Variants in NTRK1 observed in about 807,000 individuals in gnomAD.
NTRK1 encodes the protein neurotrophic receptor tyrosine kinase 1.
NTRK1 carries 62 observed loss-of-function variants against 86.8 expected under a neutral mutation model. That is an observed-to-expected ratio of 0.71 (90% CI 0.58 to 0.88). The LOEUF (loss-of-function observed/expected upper bound fraction) is 0.88, where lower values mean the gene tolerates loss of function less well. NTRK1 is among the 40% of genes least tolerant of loss of function. NTRK1 has a pLI of 0.00. For missense variants in NTRK1, 967 were observed against 1,078.4 expected (o/e 0.90, Z 1.45); for synonymous variants, 469 against 456.6 (o/e 1.03, Z -0.35).
chr1:156,862,931 C>T (rs1465295519), intron 1 of NTRK1, among the ~76,000 whole-genome samples: 2 of 151,936 alleles, frequency 1.3e-5, no homozygotes, highest in Non-Finnish European at 2.9e-5. Flanking sequence ...CCTGGTGGGG[C>T]CAAGGCTGGG....
chr1:156,842,674 C>G (rs1310838319), intron 2 of NTRK1, among the ~76,000 whole-genome samples: 1 of 152,184 alleles, frequency 6.6e-6, no homozygotes. Context: ...GACCCTAACC[C>G]ATGACCTTCA....
chr1:156,849,713 G>A (rs1422964236), intron 2 of NTRK1, among the ~76,000 whole-genome samples: 2 of 152,032 alleles, frequency 1.3e-5, no homozygotes, highest in Non-Finnish European at 2.9e-5. Flanking sequence ...CAGCTTCCCT[G>A]CCCCCATCCT....
intron 1 of NTRK1, chr1:156,841,838 G>A (rs964637098): frequency 6.2e-7 from 1 of 1,614,020 alleles, no homozygotes; most frequent in Admixed American, 1.7e-5. Context: ...GGGCATAAGA[G>A]CCACGCACTA....
intron 1 of NTRK1, chr1:156,816,622 G>A (rs1653962945): frequency 1.3e-6 from 2 of 1,572,900 alleles, no homozygotes; most frequent in Non-Finnish European, 1.7e-6. Context: ...GAGGGCAGGG[G>A]GATGGGGGTC....
At chr1:156,816,884 T>C (rs748871287) in intron 1 of NTRK1, 1 of 490,094 alleles carries the variant, frequency 2.0e-6, no homozygotes, top group Non-Finnish European at 3.5e-6. Context: ...CTTAAGACGA[T>C]TGTCCCACCC....
At chr1:156,816,621 G>A in intron 1 of NTRK1, 1 of 1,571,130 alleles carries the variant, frequency 6.4e-7, no homozygotes, top group Non-Finnish European at 8.7e-7. Context: ...GGAGGGCAGG[G>A]GGATGGGGGT....
chr1:156,829,559 TCG>T lies in NTRK1; in HGVS notation c.-63-12521_-63-12520del, dbSNP rs200646865. On this transcript the variant is annotated intron_variant, in intron 1 of 16. Coordinates refer to the NTRK1 transcript ENST00000392302. ...GAGGCCCTTGGGGATAGACTGTCTC[TCG>T]TTGGGCCCAGCTCTGGGTAGGATGA... 2.0e-3 allele frequency among the ~76,000 whole-genome samples: 308 copies of T among 152,238 alleles called. 6 individuals carry two copies. In the East Asian group the frequency reaches 0.05, roughly 25 times the overall value.
At chr1:156,840,150 A>C (rs1654718665) in intron 1 of NTRK1, 1 of 116,226 alleles carries the variant, frequency 8.6e-6, no homozygotes. Flanking sequence ...GGGTGAGGGG[A>C]GGGAGGAAGA....
intron 2 of NTRK1, chr1:156,845,025 G>A: frequency 6.4e-7 from 1 of 1,558,472 alleles, no homozygotes; most frequent in Non-Finnish European, 8.7e-7. Flanking sequence ...CTTTGCACAG[G>A]GTCCTTGGGG....
chr1:156,816,082 G>T, intron 1 of NTRK1: 1 of 1,613,610 alleles, frequency 6.2e-7, no homozygotes, highest in Non-Finnish European at 8.5e-7. Flanking sequence ...TGGGATGGGG[G>T]CTTCGTGACT....
rs200327846 is a variant in NTRK1 at position 156,843,152 on chromosome 1, A to G, written c.50+959A>G. ...AAGTCCTCGTGCCAGCCCCTCATAT[A>G]CCATCCCAAAAGAGCCCTGGCCCAG... On this transcript the variant is annotated intron_variant, in intron 2 of 16. Coordinates refer to the NTRK1 transcript ENST00000392302. 80 of 1,613,968 alleles carry G rather than the reference A, an allele frequency of 5.0e-5. No homozygotes were observed. The Admixed American group carries it at 1.3e-3, about 26-fold the overall frequency.
At chr1:156,833,069 G>C (rs2102843717) in intron 1 of NTRK1, among the ~76,000 whole-genome samples, 1 of 152,300 alleles carries the variant, frequency 6.6e-6, no homozygotes, top group Admixed American at 6.5e-5. Flanking sequence ...AAGCCCTCTT[G>C]GCCCAGAGTG....
chr1:156,825,047 G>A (rs1166980016), intron 1 of NTRK1, among the ~76,000 whole-genome samples: 5 of 152,028 alleles, frequency 3.3e-5, no homozygotes, highest in Non-Finnish European at 2.9e-5. Flanking sequence ...GCGCCACCAC[G>A]CCCGGCTAAT....
At position 156,848,890 on chromosome 1, in the gene NTRK1, C is replaced by A. The variant is rs1558088188; in HGVS notation, c.50+6697C>A. Reference sequence around the variant, plus strand: ...AAGAAATTGGCCTCGTCCGGTCCCGCCCCCGCTCCGGCCCCGCCCCCGGCA... The same window carrying A: ...AAGAAATTGGCCTCGTCCGGTCCCGACCCCGCTCCGGCCCCGCCCCCGGCA... On this transcript the variant is annotated intron_variant, in intron 2 of 16. Coordinates refer to the NTRK1 transcript ENST00000392302. 2.6e-6 allele frequency: 4 copies of A among 1,547,638 alleles called. No individual in the cohort carries two copies. In the South Asian group the frequency reaches 4.8e-5, roughly 18 times the overall value.
chr1:156,870,726 A>G (rs1240430833), intron 6 of NTRK1, among the ~76,000 whole-genome samples: 1 of 152,160 alleles, frequency 6.6e-6, no homozygotes, highest in African/African-American at 2.4e-5. Context: ...CCACTTCATT[A>G]TTTTCATTTT....
At chr1:156,850,531 ATTCTTTTTTTT>A (rs1457613988) in intron 2 of NTRK1, among the ~76,000 whole-genome samples, 38 of 97,052 alleles carry the variant, frequency 3.9e-4, no homozygotes, top group Middle Eastern at 0.016. Context: ...AATTTAAAAC[ATTCTTTTTTTT>A]TTTTTTTTTT....
chr1:156,880,824 A>G (rs1267890583), intron 16 of NTRK1, among the ~76,000 whole-genome samples: 2 of 152,180 alleles, frequency 1.3e-5, no homozygotes, highest in Non-Finnish European at 2.9e-5. Flanking sequence ...GAAGAAGGGG[A>G]AAAGAGGCTC....
At chr1:156,837,938 G>A (rs1294603285) in intron 1 of NTRK1, 1 of 152,174 alleles carries the variant, frequency 6.6e-6, no homozygotes, top group Non-Finnish European at 1.5e-5. Flanking sequence ...GTTGGTATGA[G>A]CAGGTGTCGG....
intron 1 of NTRK1, among the ~76,000 whole-genome samples, chr1:156,835,628 T>C (rs1236783523): frequency 6.6e-6 from 1 of 152,250 alleles, no homozygotes; most frequent in African/African-American, 2.4e-5. Context: ...ATCATTTATA[T>C]TATCTGTAAC....
Sources: gnomAD v4.1 joint callset for allele counts (sites outside exome capture counted in the v4.1 genomes callset) on GRCh38, gnomAD v4.1.1 for gene constraint, MANE v1.5 for transcripts, NCBI Gene and HGNC (gene_info 2026-07-23, HGNC 2026-07-21) for gene names.